Variants in CCSER2 observed in about 807,000 individuals in gnomAD.
CCSER2 encodes serine-rich coiled-coil domain-containing protein 2.
A neutral mutation model predicts 92.3 loss-of-function variants in CCSER2; 46 were observed. The ratio of observed to expected loss-of-function variants is 0.50; its 90% CI spans 0.39 to 0.64. CCSER2 has a LOEUF of 0.64. CCSER2 is among the 30% of genes least tolerant of loss of function. The pLI is 0.00. For missense variants in CCSER2, 1,244 were observed against 1,238.9 expected (o/e 1.00, Z -0.06); for synonymous variants, 433 against 431.4 (o/e 1.00, Z -0.04).
In CCSER2 at chr10:84,348,805, A is replaced by C. The variant is rs927868119; in HGVS notation, c.-40+19997A>C. Among the ~76,000 whole-genome samples the C allele has an allele frequency of 5.3e-5, 8 of 152,304 alleles. No homozygotes were observed. The East Asian group carries it at 7.7e-4, about 15-fold the overall frequency. On this transcript the variant is annotated intron_variant, in intron 1 of 9. Transcript: ENST00000372088. ...CAAGACCAAGATTAGTACAAAAAATATCTAAATACTCTTTATCCAGATTTA... is the reference window on the plus strand; with the variant it reads ...CAAGACCAAGATTAGTACAAAAAATCTCTAAATACTCTTTATCCAGATTTA...
chr10:84,457,678 TATAA>T, intron 6 of CCSER2, among the ~76,000 whole-genome samples: 1 of 129,704 alleles, frequency 7.7e-6, no homozygotes, highest in Non-Finnish European at 1.6e-5. Flanking sequence ...TTAGTTATTA[TATAA>T]ATTATATATA....
chr10:84,445,844 T>C (rs1186876062), intron 6 of CCSER2, among the ~76,000 whole-genome samples: 1 of 152,256 alleles, frequency 6.6e-6, no homozygotes, highest in Non-Finnish European at 1.5e-5. Flanking sequence ...ATTTCATTTG[T>C]TCTATAATAG....
At chr10:84,502,074 A>C (rs1412078773) in intron 9 of CCSER2, among the ~76,000 whole-genome samples, 1 of 150,236 alleles carries the variant, frequency 6.7e-6, no homozygotes, top group Non-Finnish European at 1.5e-5. Flanking sequence ...CTCTATTTTG[A>C]ATTCACCCTG....
intron 3 of CCSER2, among the ~76,000 whole-genome samples, chr10:84,385,494 T>C (rs941757992): frequency 2.0e-5 from 3 of 152,012 alleles, no homozygotes; most frequent in African/African-American, 7.2e-5. Flanking sequence ...CCAACAAAAA[T>C]AAACTACGGG....
chr10:84,377,020 T>C (rs997654006), intron 3 of CCSER2, among the ~76,000 whole-genome samples: 1 of 152,186 alleles, frequency 6.6e-6, no homozygotes, highest in Non-Finnish European at 1.5e-5. Context: ...GTTTTCTTAA[T>C]GATTTGTAAA....
chr10:84,402,523 G>A (rs372847078), intron 3 of CCSER2, among the ~76,000 whole-genome samples: 38 of 152,278 alleles, frequency 2.5e-4, no homozygotes, highest in African/African-American at 7.7e-4. Flanking sequence ...AAATCGATCA[G>A]TATAATCTAT....
Position 84,425,888 on chromosome 10 carries a change from G to A in CCSER2, c.1863G>A (p.Leu621=), listed in dbSNP as rs755677090. Residue 621 remains leucine (L), a synonymous_variant, in exon 5 of 10, where the codon TTG becomes TTA. Coordinates refer to ENST00000372088, the MANE Select transcript of CCSER2 (RefSeq NM_001284240.2). The stretch of plus-strand genomic sequence containing the variant: ...ATCATCACCATGGAAAAAGTGACTT[G>A]AGCAGGTAAGTACTGTTCTGACTTA... ...DHYHHHGKSD[L]SRGSPYRESP... The A allele has an allele frequency of 5.6e-6, 9 of 1,597,442 alleles. No individual in the cohort carries two copies. The South Asian group carries it at 9.0e-5, about 16-fold the overall frequency.
At chr10:84,420,573 C>T (rs1329810056) in intron 4 of CCSER2, among the ~76,000 whole-genome samples, 1 of 152,100 alleles carries the variant, frequency 6.6e-6, no homozygotes, top group Non-Finnish European at 1.5e-5. Context: ...TAATAATGTG[C>T]TTTCCACTAC....
chr10:84,361,694 T>G (rs1465898356), intron 1 of CCSER2, among the ~76,000 whole-genome samples: 1 of 151,962 alleles, frequency 6.6e-6, no homozygotes. Context: ...CAGGCTAGAG[T>G]GCAGTGGTGC....
chr10:84,381,600 C>T (rs1458096824), intron 3 of CCSER2, among the ~76,000 whole-genome samples: 1 of 152,088 alleles, frequency 6.6e-6, no homozygotes, highest in East Asian at 1.9e-4. Flanking sequence ...AAGACCATCC[C>T]CCAGTGAAAC....
chr10:84,457,245 T>A lies in CCSER2; in HGVS notation c.2065-6688T>A, dbSNP rs866960328. Among the ~76,000 whole-genome samples the A allele has an allele frequency of 9.4e-4, 62 of 65,656 alleles. 1 individual carries two copies. Among genetic ancestry groups the A allele is most frequent in the East Asian group, 2.3e-3 (6 of 2,612 alleles). 43.1% of individuals were successfully genotyped at this position (65,656 alleles called of 152,430 possible). ...TATTATATATAAATATATTATATAT[T>A]ATATATTATATAAAATATATTATAT... On this transcript the variant is annotated intron_variant, in intron 6 of 9. Coordinates refer to ENST00000372088, the MANE Select transcript of CCSER2 (RefSeq NM_001284240.2).
chr10:84,447,279 T>C (rs1172125973), intron 6 of CCSER2, among the ~76,000 whole-genome samples: 1 of 152,232 alleles, frequency 6.6e-6, no homozygotes, highest in South Asian at 2.1e-4. Context: ...CTTACGAATT[T>C]GTGTCATATG....
intron 4 of CCSER2, among the ~76,000 whole-genome samples, chr10:84,418,937 C>G (rs1843004858): frequency 6.6e-6 from 1 of 152,120 alleles, no homozygotes; most frequent in Admixed American, 6.6e-5. Flanking sequence ...GCAGGTTGTT[C>G]TCACGACAGC....
In CCSER2 at chr10:84,463,940, G is replaced by C. The variant is rs781109178; in HGVS notation, c.2072G>C (p.Gly691Ala). 6.2e-7 allele frequency: 1 copy of C among 1,604,798 alleles called. No individual in the cohort carries two copies. The highest frequency in any genetic ancestry group is 1.7e-5 in the Admixed American group (1 of 59,818). ...TTCCCTTCTTTCTGACAGCATGATG[G>C]AAGTGGTTCATTGCATGATATTCAA... is the stretch of plus-strand genomic sequence containing the variant. ...KLKRLLHQHD[G>A]SGSLHDIQLS... Residue 691 changes from glycine to alanine, a missense_variant, in exon 7 of 10, where the codon GGA becomes GCA. By Grantham distance (60) the Gly-to-Ala change is moderately conservative. Coordinates refer to ENST00000372088, the MANE Select transcript of CCSER2 (RefSeq NM_001284240.2).
chr10:84,413,396 A>G lies in CCSER2; in HGVS notation c.1615-4375A>G, dbSNP rs1589594429. On this transcript the variant is annotated intron_variant, in intron 3 of 9. Coordinates refer to ENST00000372088, the MANE Select transcript of CCSER2 (RefSeq NM_001284240.2). ...AGAACTTGATTTCTGCCTTACTTTC[A>G]TGATTTTCTCAAGAGTCATTCAGGA... is the stretch of plus-strand genomic sequence containing the variant. Among the ~76,000 whole-genome samples the G allele has an allele frequency of 2.0e-5, 3 of 152,188 alleles. No individual in the cohort carries two copies. The South Asian group carries it at 6.2e-4, about 32-fold the overall frequency.
chr10:84,471,570 T>G (rs1589756162), intron 8 of CCSER2, among the ~76,000 whole-genome samples: 1 of 152,232 alleles, frequency 6.6e-6, no homozygotes, highest in South Asian at 2.1e-4. Context: ...AATTCTGACC[T>G]TTAATGTCTT....
intron 9 of CCSER2, among the ~76,000 whole-genome samples, chr10:84,483,790 CT>C (rs778893851): frequency 8.1e-4 from 109 of 134,532 alleles, no homozygotes; most frequent in South Asian, 1.9e-3. Flanking sequence ...TTTTTCTTTT[CT>C]TTTTTTTTTT....
At chr10:84,480,949 G>T (rs1386730748) in intron 9 of CCSER2, among the ~76,000 whole-genome samples, 2 of 152,050 alleles carry the variant, frequency 1.3e-5, no homozygotes, top group Non-Finnish European at 2.9e-5. Context: ...TCAAGTTAAG[G>T]AATTAATTCC....
intron 1 of CCSER2, among the ~76,000 whole-genome samples, chr10:84,358,328 T>G (rs1239019031): frequency 2.0e-5 from 3 of 152,192 alleles, no homozygotes; most frequent in African/African-American, 7.2e-5. Flanking sequence ...GTTGGTAATT[T>G]GTTCATACTG....
Sources: gnomAD v4.1 joint callset for allele counts (sites outside exome capture counted in the v4.1 genomes callset) on GRCh38, gnomAD v4.1.1 for gene constraint, MANE v1.5 for transcripts, NCBI Gene and HGNC (gene_info 2026-07-23, HGNC 2026-07-21) for gene names.